RBFOX1: variants seen among roughly 807,000 people sequenced by gnomAD.
RBFOX1 encodes the protein RNA binding fox-1 homolog 1, also known as RNA binding protein fox-1 homolog 1.
In RBFOX1, 8 loss-of-function variants were observed where a neutral mutation model predicts 57.7. The ratio of observed to expected loss-of-function variants is 0.14; its 90% CI spans 0.08 to 0.25. RBFOX1 has a LOEUF of 0.25. Among genes scored for constraint, RBFOX1 ranks in the 10% least tolerant of loss-of-function variants. The pLI, the probability that RBFOX1 is intolerant of heterozygous loss-of-function variation, is 1.00. For missense variants in RBFOX1, 611 were observed against 548.5 expected, an observed-to-expected ratio of 1.11 and a Z score of -1.14; for synonymous variants, 326 against 222.4, an observed-to-expected ratio of 1.47 and a Z score of -4.15.
At chr16:6,522,534 A>T (rs1385780089) in intron 2 of RBFOX1, among the ~76,000 whole-genome samples, 2 of 152,202 alleles carry the variant, frequency 1.3e-5, no homozygotes, top group Non-Finnish European at 2.9e-5. Flanking sequence ...AAGGAAAGCA[A>T]TTCTGGATGA....
At chr16:5,492,803 T>C (rs1016917139) in intron 2 of RBFOX1, among the ~76,000 whole-genome samples, 1 of 152,250 alleles carries the variant, frequency 6.6e-6, no homozygotes, top group Non-Finnish European at 1.5e-5. Flanking sequence ...TCTTATTTAG[T>C]GTTCTAAACC....
At chr16:7,245,550 A>G (rs747650992) in intron 4 of RBFOX1, among the ~76,000 whole-genome samples, 3 of 152,248 alleles carry the variant, frequency 2.0e-5, no homozygotes, top group Admixed American at 6.5e-5. Flanking sequence ...TTCATAATCA[A>G]CAAGACAAAA....
intron 7 of RBFOX1, among the ~76,000 whole-genome samples, chr16:7,591,042 G>A (rs879841235): frequency 1.7e-4 from 26 of 152,230 alleles, no homozygotes; most frequent in Admixed American, 1.0e-3. Context: ...AGTAGCCTGT[G>A]CTGTTCTGCG....
At chr16:5,627,258 T>C (rs1045769293) in intron 3 of RBFOX1, among the ~76,000 whole-genome samples, 3 of 152,182 alleles carry the variant, frequency 2.0e-5, no homozygotes, top group African/African-American at 7.2e-5. Flanking sequence ...ATTACCATCT[T>C]CTCTTCAAGA....
intron 2 of RBFOX1, among the ~76,000 whole-genome samples, chr16:6,436,644 T>G (rs916704627): frequency 6.6e-6 from 1 of 151,844 alleles, no homozygotes; most frequent in Non-Finnish European, 1.5e-5. Context: ...GTCTTTATAA[T>G]TAATTAATTT....
intron 4 of RBFOX1, among the ~76,000 whole-genome samples, chr16:7,186,454 ACATAAACATATTTATATAAATATAAG>A (rs2083838448): frequency 1.3e-4 from 16 of 125,184 alleles, no homozygotes; most frequent in East Asian, 4.5e-4. Flanking sequence ...ATAAATATAA[ACATAAACATATTTATATAAATATAAG>A]CATAAACATA....
At chr16:6,402,121 G>A (rs2093096442) in intron 2 of RBFOX1, among the ~76,000 whole-genome samples, 1 of 151,630 alleles carries the variant, frequency 6.6e-6, no homozygotes, top group Non-Finnish European at 1.5e-5. Flanking sequence ...ATTTTCTTGT[G>A]AGTCCTGTCC....
chr16:7,231,062 G>T (rs1407327405), intron 4 of RBFOX1, among the ~76,000 whole-genome samples: 1 of 152,100 alleles, frequency 6.6e-6, no homozygotes, highest in Non-Finnish European at 1.5e-5. Context: ...CCATTAAGTG[G>T]AGAGTATCCT....
chr16:5,620,198 C>G (rs2048162331), intron 3 of RBFOX1, among the ~76,000 whole-genome samples: 1 of 152,096 alleles, frequency 6.6e-6, no homozygotes, highest in Admixed American at 6.5e-5. Context: ...CTCACATTAT[C>G]CCAGGATCAT....
intron 2 of RBFOX1, among the ~76,000 whole-genome samples, chr16:6,405,669 T>C (rs953491236): frequency 6.6e-6 from 1 of 152,156 alleles, no homozygotes; most frequent in African/African-American, 2.4e-5. Flanking sequence ...ATAGGCATAA[T>C]ATCTAACACA....
intron 1 of RBFOX1, among the ~76,000 whole-genome samples, chr16:6,239,647 A>G (rs1398731306): frequency 2.6e-5 from 4 of 151,538 alleles, no homozygotes; most frequent in Admixed American, 2.6e-4. Flanking sequence ...ACAGGCACCC[A>G]CCACCATGTC....
Position 6,991,100 on chromosome 16 carries a change from G to A in RBFOX1, c.-15-60957G>A, listed in dbSNP as rs145361383. On this transcript the variant is annotated intron_variant, in intron 3 of 15. Coordinates refer to ENST00000550418, the MANE Select transcript of RBFOX1 (RefSeq NM_018723.4). ...GTGGCCTGCTTCAGCACAGAAGTTC[G>A]AGGCCATCCTAGGCAACGTAATAAA... Among the ~76,000 whole-genome samples, 5 of 132,218 alleles carry A rather than the reference G, an allele frequency of 3.8e-5. No homozygotes were observed. The East Asian group carries it at 1.2e-3, about 31-fold the overall frequency. 86.7% of individuals were successfully genotyped at this position (132,218 alleles called of 152,430 possible).
chr16:6,910,346 G>A (rs78832969), intron 3 of RBFOX1, among the ~76,000 whole-genome samples: 4,505 of 152,148 alleles, frequency 0.03, 181 homozygotes, highest in East Asian at 0.11. Context: ...TCCACTCCCC[G>A]TCTCCACACC....
chr16:7,091,206 C>T (rs1266001870), intron 4 of RBFOX1, among the ~76,000 whole-genome samples: 1 of 151,970 alleles, frequency 6.6e-6, no homozygotes, highest in Non-Finnish European at 1.5e-5. Context: ...ATTTACATTC[C>T]AAGTACACTT....
chr16:6,822,639 G>A (rs759813177), intron 3 of RBFOX1, among the ~76,000 whole-genome samples: 1 of 152,202 alleles, frequency 6.6e-6, no homozygotes, highest in African/African-American at 2.4e-5. Context: ...CATAAGGTAT[G>A]AGGTTAGACA....
At chr16:6,815,456 C>G (rs140043681) in intron 3 of RBFOX1, among the ~76,000 whole-genome samples, 1 of 152,154 alleles carries the variant, frequency 6.6e-6, no homozygotes, top group Non-Finnish European at 1.5e-5. Flanking sequence ...ACACCTCTGA[C>G]ATTCGCAGTG....
intron 2 of RBFOX1, among the ~76,000 whole-genome samples, chr16:6,380,195 T>C: frequency 6.6e-6 from 1 of 151,804 alleles, no homozygotes; most frequent in East Asian, 1.9e-4. Flanking sequence ...GGAGAAGGAA[T>C]TGGCTCATTC....
At chr16:5,809,420 C>T (rs2151772557) in intron 3 of RBFOX1, among the ~76,000 whole-genome samples, 1 of 130,512 alleles carries the variant, frequency 7.7e-6, no homozygotes, top group South Asian at 3.0e-4. Context: ...TCGCAACCTA[C>T]TCATCTGACA....
At chr16:5,445,322 TG>T in intron 1 of RBFOX1, among the ~76,000 whole-genome samples, 1 of 152,194 alleles carries the variant, frequency 6.6e-6, no homozygotes, top group African/African-American at 2.4e-5. Flanking sequence ...CTTCAAATCC[TG>T]GCTTGAATGT....
Sources: allele counts gnomAD v4.1 joint callset (sites outside exome capture counted in the v4.1 genomes callset), GRCh38; gene constraint gnomAD v4.1.1; transcripts MANE v1.5; gene names NCBI Gene and HGNC (gene_info 2026-07-23, HGNC 2026-07-21).